DHX8: variants seen among roughly 807,000 people sequenced by gnomAD.
DHX8 encodes the protein ATP-dependent RNA helicase DHX8.
Under a neutral mutation model 140.7 loss-of-function variants are expected in DHX8, and 67 were observed. The ratio of observed to expected loss-of-function variants is 0.48; its 90% CI spans 0.39 to 0.58. The LOEUF is 0.58. DHX8 is among the 20% of genes least tolerant of loss of function. The probability of loss-of-function intolerance (pLI) is 0.00; values close to 1 mark genes in which losing one functional copy is unlikely to be tolerated. For synonymous variants in DHX8, 533 were observed against 553.2 expected, an observed-to-expected ratio of 0.96 and a Z score of 0.51; for missense variants, 887 against 1,550.7, an observed-to-expected ratio of 0.57 and a Z score of 7.19.
rs185080005 is a variant in DHX8, at chr17:43,534,281, G to A, written c.351-2131G>A. 4.5e-4 allele frequency among the ~76,000 whole-genome samples: 68 copies of A among 152,250 alleles called. 5 individuals carry two copies. The East Asian group carries it at 0.013, about 29-fold the overall frequency. On this transcript the variant is annotated intron_variant, in intron 2 of 3. Coordinates refer to the DHX8 transcript ENST00000589898. ...TGTAATCCCAGCACTTTGGGAGGCA[G>A]GAGTCCAAGACCAGCCTGGCCAACA...
chr17:43,530,076 G>T, downstream of DHX8: 1 of 1,610,056 alleles, frequency 6.2e-7, no homozygotes, highest in South Asian at 1.1e-5. Flanking sequence ...CCAACATGGA[G>T]GGCTTGGCAG....
chr17:43,504,885 A>C (rs1969401551), intron 12 of DHX8, 60 bp downstream of exon 12: 2 of 1,477,086 alleles, frequency 1.4e-6, no homozygotes, highest in Non-Finnish European at 1.8e-6. Flanking sequence ...AAGAGGGGTG[A>C]TATTTTTAAA....
At chr17:43,491,561 C>G (rs1473720726) in intron 4 of DHX8, among the ~76,000 whole-genome samples, 1 of 151,224 alleles carries the variant, frequency 6.6e-6, no homozygotes, top group Non-Finnish European at 1.5e-5. Context: ...TGTTAAAGGT[C>G]TAATTTTTAA....
chr17:43,508,486 G>A lies in DHX8; in HGVS notation c.2468G>A (p.Arg823Gln), dbSNP rs1279076939. 6.2e-7 allele frequency: 1 copy of A among 1,613,188 alleles called. No individual in the cohort carries two copies. The highest frequency in any genetic ancestry group is 8.5e-7 in the Non-Finnish European group (1 of 1,179,710). Residue 823 changes from arginine to glutamine, a missense_variant, in exon 16 of 23, where the codon CGA becomes CAA. Arg to Gln is a conservative substitution (Grantham distance 43). This residue lies in a region of DHX8 where 151 missense variants were observed against 388.3 expected (regional missense o/e 0.39). Coordinates refer to ENST00000262415, the MANE Select transcript of DHX8 (RefSeq NM_004941.3). ...GCTCTTCCCAGTGAGATGCAGACCCGAATCTTTGACCCAGCTCCACCAGGC... is the reference window on the plus strand; with the variant it reads ...GCTCTTCCCAGTGAGATGCAGACCCAAATCTTTGACCCAGCTCCACCAGGC... Reference protein sequence around the residue: ...YSALPSEMQTRIFDPAPPGSR... With the variant: ...YSALPSEMQTQIFDPAPPGSR...
chr17:43,530,329 A>G (rs1970847289), downstream of DHX8: 1 of 1,479,686 alleles, frequency 6.8e-7, no homozygotes, highest in African/African-American at 1.4e-5. Context: ...TGCCAACCAC[A>G]AAATCCCAGG....
chr17:43,517,393 G>A, intron 18 of DHX8, 71 bp downstream of exon 18: 1 of 1,512,932 alleles, frequency 6.6e-7, no homozygotes, highest in Non-Finnish European at 8.9e-7. Flanking sequence ...ATGAATTTCA[G>A]TTTTATGAAC....
Position 43,489,518 on chromosome 17 carries a change from A to T in DHX8, c.218A>T (p.Asn73Ile). Reference sequence around the variant, plus strand: ...ACTTTTAAGGCTTCTCTCGTCAAAAATGGTGCAGAATTTACGGTATGTATA... The same window carrying T: ...ACTTTTAAGGCTTCTCTCGTCAAAATTGGTGCAGAATTTACGGTATGTATA... The part of the protein sequence containing the change: ...FDTFKASLVK[N>I]GAEFTDSLIS... Residue 73 changes from asparagine to isoleucine, a missense_variant, in exon 2 of 23, where the codon AAT (asparagine) becomes ATT (isoleucine). By Grantham distance (149) the Asn-to-Ile change is moderately radical. Around this residue, in one of 9 missense-constraint regions of DHX8, gnomAD observed 304 missense variants for 306.9 expected, o/e 0.99. Coordinates refer to ENST00000262415, the MANE Select transcript of DHX8 (RefSeq NM_004941.3). 1 of 1,605,380 alleles carries T rather than the reference A, an allele frequency of 6.2e-7. No homozygotes were observed. The highest frequency in any genetic ancestry group is 8.5e-7 in the Non-Finnish European group (1 of 1,174,952).
chr17:43,525,391 GAA>G lies in DHX8; in HGVS notation c.*1546_*1547del, dbSNP rs1326599548. On this transcript the variant is annotated 3_prime_UTR_variant, in exon 23 of 23. Coordinates refer to ENST00000262415, the MANE Select transcript of DHX8 (RefSeq NM_004941.3). ...CAAACCACACCCTAAAGACAATTCA[GAA>G]AGAGTCCGAGGGAGAGGAATATAGG... 1.0e-6 allele frequency: 1 copy of G among 982,044 alleles called. No individual in the cohort carries two copies. The highest frequency in any genetic ancestry group is 1.2e-6 in the Non-Finnish European group (1 of 826,938). The allele number at this position is 982,044 out of a possible 1,614,324, so 60.8% of individuals were successfully genotyped here. A position where few individuals can be genotyped will look rare whatever the true frequency, so the allele number is the denominator to read the frequency against.
At chr17:43,534,288 A>G (rs926151500) in intron 2 of DHX8, among the ~76,000 whole-genome samples, 4 of 151,566 alleles carry the variant, frequency 2.6e-5, no homozygotes, top group African/African-American at 7.3e-5. Context: ...GCAGGAGTCC[A>G]AGACCAGCCT....
At chr17:43,540,049 G>C (rs1171764202) in intron 3 of DHX8, among the ~76,000 whole-genome samples, 1 of 152,160 alleles carries the variant, frequency 6.6e-6, no homozygotes, top group Non-Finnish European at 1.5e-5. Flanking sequence ...CCGCTGGCAA[G>C]AACAAACAGA....
downstream of DHX8, chr17:43,526,635 T>G: frequency 1.3e-6 from 2 of 1,533,628 alleles, no homozygotes; most frequent in Non-Finnish European, 1.7e-6. Context: ...TCATCTCAGC[T>G]TGTGGAGACC....
chr17:43,509,105 C>A (rs568320991), intron 16 of DHX8, among the ~76,000 whole-genome samples: 1 of 152,316 alleles, frequency 6.6e-6, no homozygotes, highest in South Asian at 2.1e-4. Flanking sequence ...GAGAACAAGC[C>A]TCTATCTGCT....
chr17:43,514,405 G>T (rs1970008794), intron 17 of DHX8, among the ~76,000 whole-genome samples: 1 of 151,912 alleles, frequency 6.6e-6, no homozygotes, highest in Admixed American at 6.6e-5. Context: ...TTGAATCCTA[G>T]TACCCTATAT....
intron 3 of DHX8, among the ~76,000 whole-genome samples, chr17:43,542,000 T>TG (rs1971547966): frequency 6.6e-6 from 1 of 152,110 alleles, no homozygotes; most frequent in Non-Finnish European, 1.5e-5. Flanking sequence ...ACTTCACTCT[T>TG]GCAGCAGCAA....
At chr17:43,535,662 C>T (rs1276988760) in intron 2 of DHX8, among the ~76,000 whole-genome samples, 2 of 152,188 alleles carry the variant, frequency 1.3e-5, no homozygotes, top group East Asian at 3.8e-4. Context: ...CGGTCCTGAG[C>T]ATCATAGGAT....
intron 2 of DHX8, 63 bp downstream of exon 2, chr17:43,489,597 G>T (rs901441490): frequency 4.8e-5 from 52 of 1,077,620 alleles, no homozygotes; most frequent in Middle Eastern, 2.5e-4. Flanking sequence ...TTGTTTGTTT[G>T]TTTTTTTTTT....
chr17:43,502,535 C>T lies in DHX8; in HGVS notation c.1547-2109C>T, dbSNP rs138703330. Reference sequence around the variant, plus strand: ...TGCCTCCTGGGTTCAAGCGATTCTCCTGCCTCAGCCTCAAGTAGCTGGGAC... The same window carrying T: ...TGCCTCCTGGGTTCAAGCGATTCTCTTGCCTCAGCCTCAAGTAGCTGGGAC... On this transcript the variant is annotated intron_variant, in intron 11 of 22. Transcript: ENST00000262415. Among the ~76,000 whole-genome samples the T allele has an allele frequency of 8.3e-3, 1,261 of 152,234 alleles. 21 individuals carry two copies. The highest frequency in any genetic ancestry group is 0.029 in the African/African-American group (1,189 of 41,552).
chr17:43,513,781 T>C, intron 17 of DHX8, among the ~76,000 whole-genome samples: 1 of 141,636 alleles, frequency 7.1e-6, no homozygotes, highest in East Asian at 2.3e-4. Context: ...TGGCGCAATC[T>C]CGGCTCACTG....
Position 43,525,223 on chromosome 17 carries a change from G to C in DHX8, c.*1376G>C, listed in dbSNP as rs1159221365. On this transcript the variant is annotated 3_prime_UTR_variant, in exon 23 of 23. Transcript: ENST00000262415. ...TGAGAGATTGGGCACATCCTGTTAC[G>C]TTGCTGCTTCTCCTGTCCTTATGTT... The C allele has an allele frequency of 1.0e-6, 1 of 985,344 alleles. No individual in the cohort carries two copies. Among genetic ancestry groups the C allele is most frequent in the African/African-American group, 1.7e-5 (1 of 57,238 alleles). 61.0% of individuals were successfully genotyped at this position (985,344 alleles called of 1,614,324 possible).
Sources: allele counts gnomAD v4.1 joint callset (sites outside exome capture counted in the v4.1 genomes callset), GRCh38; gene constraint gnomAD v4.1.1; regional missense constraint gnomAD v4.1.1; transcripts MANE v1.5; gene names NCBI Gene and HGNC (gene_info 2026-07-23, HGNC 2026-07-21).